NOL4L: variants seen among roughly 807,000 people sequenced by gnomAD.
NOL4L encodes nucleolar protein 4 like.
A neutral mutation model predicts 64.5 loss-of-function variants in NOL4L; 7 were observed. The ratio of observed to expected loss-of-function variants is 0.11; its 90% confidence interval spans 0.06 to 0.20. The LOEUF is 0.20. Among genes scored for constraint, NOL4L ranks in the 10% least tolerant of loss-of-function variants. The pLI is 1.00. For synonymous variants in NOL4L, 413 were observed against 401.0 expected (o/e 1.03, Z -0.36); for missense variants, 680 against 967.1 (o/e 0.70, Z 3.94).
intron 1 of NOL4L, among the ~76,000 whole-genome samples, chr20:32,531,692 A>G (rs576511335): frequency 6.6e-6 from 1 of 152,184 alleles, no homozygotes; most frequent in African/African-American, 2.4e-5. Context: ...CGCACCTATA[A>G]AATGGGCCTA....
intron 1 of NOL4L, among the ~76,000 whole-genome samples, chr20:32,569,504 G>A (rs1285656963): frequency 1.3e-5 from 2 of 152,186 alleles, no homozygotes; most frequent in Non-Finnish European, 2.9e-5. Context: ...GTAGGAGGTA[G>A]TGATGGAAAA....
At chr20:32,502,151 T>G (rs1568662628) in intron 4 of NOL4L, among the ~76,000 whole-genome samples, 1 of 152,146 alleles carries the variant, frequency 6.6e-6, no homozygotes, top group African/African-American at 2.4e-5. Flanking sequence ...CAAGAACTTA[T>G]AGTATAAGCA....
chr20:32,525,055 A>G (rs1396281601), intron 2 of NOL4L, among the ~76,000 whole-genome samples: 1 of 152,228 alleles, frequency 6.6e-6, no homozygotes, highest in Non-Finnish European at 1.5e-5. Flanking sequence ...GTCATGTGCC[A>G]GCTCCAGGCT....
At chr20:32,472,421 G>A (rs1677541616) in intron 5 of NOL4L, among the ~76,000 whole-genome samples, 1 of 152,168 alleles carries the variant, frequency 6.6e-6, no homozygotes, top group African/African-American at 2.4e-5. Flanking sequence ...GGCGGGGAGT[G>A]GAGCACACAG....
chr20:32,448,628 T>C (rs1478507793), intron 10 of NOL4L, among the ~76,000 whole-genome samples: 1 of 152,152 alleles, frequency 6.6e-6, no homozygotes, highest in Non-Finnish European at 1.5e-5. Context: ...GCTGCTAGGA[T>C]ACGAGGGAGT....
intron 5 of NOL4L, among the ~76,000 whole-genome samples, chr20:32,467,025 G>T (rs1600681065): frequency 6.6e-6 from 1 of 152,246 alleles, no homozygotes; most frequent in South Asian, 2.1e-4. Context: ...GCGGCACAGG[G>T]GTAATGCGGG....
rs1174304651 is a variant in NOL4L, at chr20:32,488,965, C to CTT, written c.700-14225_700-14224dup. On this transcript the variant is annotated intron_variant, in intron 4 of 10. Coordinates refer to ENST00000621426, the MANE Select transcript of NOL4L (RefSeq NM_001256798.2). ...CCATTTCTCTATTTGAATTGTTGGT[C>CTT]TTTTTTTTTTTTTTTTTTTGGTAAG... Among the ~76,000 whole-genome samples the CTT allele has an allele frequency of 2.7e-4, 12 of 45,084 alleles. 1 individual carries two copies. Among genetic ancestry groups the CTT allele is most frequent in the African/African-American group, 4.0e-4 (3 of 7,578 alleles). The allele number at this position is 45,084 out of a possible 152,430, so 29.6% of individuals were successfully genotyped here.
chr20:32,520,800 AC>A lies in NOL4L; in HGVS notation c.589+10del. ...CCCCGCCCTAGCCCTCCAGCACGCC[AC>A]CCCTGCTACCTTTGGGTTCCAGGCC... On this transcript the variant is annotated intron_variant, in intron 3 of 10. Transcript: ENST00000621426. 6.6e-7 allele frequency: 1 copy of A among 1,521,350 alleles called. No homozygotes were observed. The highest frequency in any genetic ancestry group is 8.9e-7 in the Non-Finnish European group (1 of 1,120,648). 94.2% of individuals were successfully genotyped at this position (1,521,350 alleles called of 1,614,324 possible).
At chr20:32,499,024 C>T (rs902820481) in intron 4 of NOL4L, among the ~76,000 whole-genome samples, 1 of 152,004 alleles carries the variant, frequency 6.6e-6, no homozygotes, top group Non-Finnish European at 1.5e-5. Flanking sequence ...GGATTACAGG[C>T]TCCTGCCACC....
At chr20:32,455,192 C>T (rs1437350249) in intron 6 of NOL4L, among the ~76,000 whole-genome samples, 3 of 152,184 alleles carry the variant, frequency 2.0e-5, no homozygotes, top group Non-Finnish European at 4.4e-5. Flanking sequence ...CTTCCCTGGG[C>T]CCCCCATGTA....
chr20:32,483,165 G>A (rs2015849893), intron 4 of NOL4L, among the ~76,000 whole-genome samples: 1 of 148,640 alleles, frequency 6.7e-6, no homozygotes, highest in Admixed American at 6.6e-5. Flanking sequence ...TCGGCCCAGG[G>A]CGCAGCCGCT....
At chr20:32,501,224 T>A (rs1455566161) in intron 4 of NOL4L, among the ~76,000 whole-genome samples, 1 of 152,220 alleles carries the variant, frequency 6.6e-6, no homozygotes, top group Non-Finnish European at 1.5e-5. Flanking sequence ...ACACTCCATG[T>A]CTGTGGTCTT....
chr20:32,465,371 G>T (rs1600675981), intron 5 of NOL4L, among the ~76,000 whole-genome samples: 2 of 152,252 alleles, frequency 1.3e-5, no homozygotes, highest in South Asian at 4.1e-4. Context: ...AGCCTCCAAG[G>T]CCAGCCTTGA....
chr20:32,492,848 G>A (rs780482167), intron 4 of NOL4L, among the ~76,000 whole-genome samples: 5 of 152,178 alleles, frequency 3.3e-5, no homozygotes, highest in African/African-American at 7.2e-5. Flanking sequence ...CAGGTGACAC[G>A]TCCACAATCA....
intron 1 of NOL4L, chr20:32,536,371 C>G (rs2018523428): frequency 2.1e-6 from 2 of 950,066 alleles, no homozygotes; most frequent in Non-Finnish European, 2.5e-6. Context: ...CACCCAGGGC[C>G]GGGGGAAGAG....
In NOL4L at chr20:32,446,321, C is replaced by T. The variant is rs190077687; in HGVS notation, c.*1275G>A. On this transcript the variant is annotated 3_prime_UTR_variant, in exon 11 of 11. Transcript: ENST00000621426. ...AGGGATTATGGGTTTCTTCCAGGAC[C>T]GGCCCCTCCGGAAGGGCTGGTCTTA... is the stretch of plus-strand genomic sequence containing the variant. The T allele has an allele frequency of 2.3e-3, 358 of 152,378 alleles. 1 individual carries two copies. The highest frequency in any genetic ancestry group is 0.017 in the Middle Eastern group (5 of 294). The allele number at this position is 152,378 out of a possible 1,614,324, so 9.4% of individuals were successfully genotyped here.
intron 1 of NOL4L, among the ~76,000 whole-genome samples, chr20:32,536,800 G>C (rs1418940604): frequency 6.2e-5 from 1 of 16,132 alleles, no homozygotes; most frequent in Non-Finnish European, 1.0e-4. Context: ...GGCTGGGAGT[G>C]GGGGGGGGGG....
At chr20:32,535,104 A>C (rs1349289298) in intron 1 of NOL4L, among the ~76,000 whole-genome samples, 4 of 152,094 alleles carry the variant, frequency 2.6e-5, no homozygotes, top group Non-Finnish European at 5.9e-5. Flanking sequence ...ACCAGAATGA[A>C]GACCATCACC....
chr20:32,451,144 C>G (rs2012860029), intron 10 of NOL4L, among the ~76,000 whole-genome samples: 1 of 152,124 alleles, frequency 6.6e-6, no homozygotes, highest in African/African-American at 2.4e-5. Flanking sequence ...AGACCTTGCA[C>G]CAGGGTTCCC....
Sources: allele counts gnomAD v4.1 joint callset (sites outside exome capture counted in the v4.1 genomes callset), GRCh38; gene constraint gnomAD v4.1.1; transcripts MANE v1.5; gene names NCBI Gene and HGNC (gene_info 2026-07-23, HGNC 2026-07-21).